TM4SF18: variants seen among roughly 807,000 people sequenced by gnomAD.
The protein encoded by TM4SF18 is transmembrane 4 L6 family member 18.
A neutral mutation model predicts 23.8 loss-of-function variants in TM4SF18; 22 were observed. The observed-to-expected ratio is 0.92, with a 90% CI of 0.66 to 1.32. The LOEUF is 1.32. Among genes scored for constraint, TM4SF18 ranks in the 40% most tolerant of loss-of-function variants. The pLI, the probability that TM4SF18 is intolerant of heterozygous loss-of-function variation, is 0.00. For synonymous variants in TM4SF18, 87 were observed against 87.9 expected, an observed-to-expected ratio of 0.99 and a Z score of 0.06; for missense variants, 255 against 240.3, an observed-to-expected ratio of 1.06 and a Z score of -0.41.
In TM4SF18 at chr3:149,319,676, T is replaced by C. The variant is rs1022084787; in HGVS notation, c.*1802A>G. 4.6e-5 allele frequency: 7 copies of C among 152,374 alleles called. 1 individual carries two copies. The East Asian group carries it at 1.3e-3, about 29-fold the overall frequency. 9.4% of individuals were successfully genotyped at this position (152,374 alleles called of 1,614,324 possible). On this transcript the variant is annotated 3_prime_UTR_variant, in exon 6 of 6. Transcript: ENST00000296059. The stretch of plus-strand genomic sequence containing the variant: ...TGTTCATTGTGGGCAAAGGCAGTTT[T>C]AGGAGCTTTTGGAGTAGAAGTTCAT...
At position 149,319,988 on chromosome 3, in the gene TM4SF18, T is replaced by C. The variant is rs1730769601; in HGVS notation, c.*1490A>G. ...CAGAGCATGAAGGTCATGCGGTGTA[T>C]AACATGGCTTGCTTTCAAGATGCTT... is the stretch of plus-strand genomic sequence containing the variant. On this transcript the variant is annotated 3_prime_UTR_variant, in exon 6 of 6. Transcript: ENST00000296059. 1 of 152,252 alleles carries C rather than the reference T, an allele frequency of 6.6e-6. No individual in the cohort carries two copies. The highest frequency in any genetic ancestry group is 2.4e-5 in the African/African-American group (1 of 41,462). The allele number at this position is 152,252 out of a possible 1,614,324, so 9.4% of individuals were successfully genotyped here.
At chr3:149,332,336 T>C (rs1731104132) in intron 2 of TM4SF18, among the ~76,000 whole-genome samples, 1 of 152,216 alleles carries the variant, frequency 6.6e-6, no homozygotes, top group South Asian at 2.1e-4. Flanking sequence ...TCTTCTACAT[T>C]ATTGGTGGTC....
rs758515671 is a variant in TM4SF18, at chr3:149,330,433, G to C, written c.178-14C>G. 1.3e-6 allele frequency: 2 copies of C among 1,523,984 alleles called. No homozygotes were observed. Among genetic ancestry groups the C allele is most frequent in the Non-Finnish European group, 1.8e-6 (2 of 1,109,402 alleles). The allele number at this position is 1,523,984 out of a possible 1,614,324, so 94.4% of individuals were successfully genotyped here. A position where few individuals can be genotyped will look rare whatever the true frequency, so the allele number is the denominator to read the frequency against. Reference sequence around the variant, plus strand: ...TACTATAAGCATCTATAGGAGGGAAGACATAAAATGTTAGCAATGAAATGC... The same window carrying C: ...TACTATAAGCATCTATAGGAGGGAACACATAAAATGTTAGCAATGAAATGC... On this transcript the variant is annotated splice_polypyrimidine_tract_variant and intron_variant, in intron 2 of 5. Coordinates refer to ENST00000296059, the MANE Select transcript of TM4SF18 (RefSeq NM_138786.4).
At chr3:149,321,845 T>C (rs914399794) in intron 5 of TM4SF18, among the ~76,000 whole-genome samples, 2 of 152,220 alleles carry the variant, frequency 1.3e-5, no homozygotes, top group African/African-American at 4.8e-5. Flanking sequence ...AAAGGTTCAT[T>C]AGTTGAATGT....
At chr3:149,327,556 A>G (rs1441907892) in intron 3 of TM4SF18, among the ~76,000 whole-genome samples, 1 of 152,154 alleles carries the variant, frequency 6.6e-6, no homozygotes, top group East Asian at 1.9e-4. Context: ...TGGGGGAAAA[A>G]TTAGCTTTAG....
rs774507581 is a variant in TM4SF18 at position 149,333,358 on chromosome 3, A to T, written c.25T>A (p.Cys9Ser). The part of the protein sequence containing the change: MGSRKCGG[C>S]LSCLLIPLAL... ...AGCGGAATCAGCAAACAACTTAGGC[A>T]GCCTCCACACTTCCGAGACCCCATT... Residue 9 changes from cysteine to serine, a missense_variant, in exon 2 of 6, where the codon TGC (cysteine) becomes AGC (serine). By Grantham distance (112) the Cys-to-Ser change is moderately radical. Coordinates refer to ENST00000296059, the MANE Select transcript of TM4SF18 (RefSeq NM_138786.4). 6.2e-7 allele frequency: 1 copy of T among 1,613,120 alleles called. No individual in the cohort carries two copies. Among genetic ancestry groups the T allele is most frequent in the Non-Finnish European group, 8.5e-7 (1 of 1,179,530 alleles).
At chr3:149,327,109 C>G (rs1730968180) in intron 3 of TM4SF18, among the ~76,000 whole-genome samples, 1 of 152,200 alleles carries the variant, frequency 6.6e-6, no homozygotes. Flanking sequence ...GCCGCCACGC[C>G]TAGCTCATTT....
chr3:149,324,763 G>T, intron 4 of TM4SF18, 117 bp downstream of exon 4: 1 of 1,300,032 alleles, frequency 7.7e-7, no homozygotes, highest in Non-Finnish European at 1.1e-6. Context: ...GGGAAATTCT[G>T]CACTAAAACA....
At chr3:149,331,918 T>C (rs1412988379) in intron 2 of TM4SF18, among the ~76,000 whole-genome samples, 1 of 152,238 alleles carries the variant, frequency 6.6e-6, no homozygotes, top group Non-Finnish European at 1.5e-5. Context: ...GAATGTACCA[T>C]AATTTATTTT....
rs34338382 is a variant in TM4SF18 at position 149,322,905 on chromosome 3, C to CTTTTTT, written c.411-475_411-470dup. On this transcript the variant is annotated intron_variant, in intron 4 of 5. Coordinates refer to ENST00000296059, the MANE Select transcript of TM4SF18 (RefSeq NM_138786.4). ...GAACTTTACCCCTCTGGCCTCCAGA[C>CTTTTTT]TTTTTTTTTTTTTTTTGAGACGGAG... 2.7e-3 allele frequency among the ~76,000 whole-genome samples: 342 copies of CTTTTTT among 128,776 alleles called. 5 individuals are homozygous for CTTTTTT. The highest frequency in any genetic ancestry group is 8.6e-3 in the African/African-American group (311 of 36,044). The allele number at this position is 128,776 out of a possible 152,430, so 84.5% of individuals were successfully genotyped here. A position where few individuals can be genotyped will look rare whatever the true frequency, so the allele number is the denominator to read the frequency against.
Position 149,330,411 on chromosome 3 carries a change from T to G in TM4SF18, c.186A>C (p.Ile62=). The part of the protein sequence containing the change: ...GICFSGIMML[I]VTTVLLVLEN... ...CCAGTACCAGAAGAACTGTTGTTAC[T>G]ATAAGCATCTATAGGAGGGAAGACA... Residue 62 remains isoleucine, a synonymous_variant, in exon 3 of 6, where the codon ATA becomes ATC. Coordinates refer to ENST00000296059, the MANE Select transcript of TM4SF18 (RefSeq NM_138786.4). 1.3e-6 allele frequency: 2 copies of G among 1,592,518 alleles called. No individual in the cohort carries two copies. Among genetic ancestry groups the G allele is most frequent in the Non-Finnish European group, 1.7e-6 (2 of 1,164,292 alleles).
rs543483374 is a variant in TM4SF18, at chr3:149,328,121, G to T, written c.267+2209C>A. On this transcript the variant is annotated intron_variant, in intron 3 of 5. Coordinates refer to ENST00000296059, the MANE Select transcript of TM4SF18 (RefSeq NM_138786.4). ...GAAAACCAGACTCCATGCAGGAATG[G>T]AGAGTGCCTTAGTTCCTGCTGCTAT... Among the ~76,000 whole-genome samples the T allele has an allele frequency of 3.9e-5, 6 of 152,296 alleles. 1 individual carries two copies. The South Asian group carries it at 1.2e-3, about 32-fold the overall frequency.
At chr3:149,322,478 G>A (rs764899166) in intron 4 of TM4SF18, 42 bp from the exon 5 acceptor site, 52 of 1,540,434 alleles carry the variant, frequency 3.4e-5, no homozygotes, top group Non-Finnish European at 4.5e-5. Context: ...TGGGTCCAAG[G>A]AAGAAAGCTA....
intron 3 of TM4SF18, 87 bp from the exon 4 acceptor site, chr3:149,325,109 A>T (rs1336658109): frequency 7.3e-7 from 1 of 1,369,324 alleles, no homozygotes; most frequent in Admixed American, 1.9e-5. Flanking sequence ...ACATTCCCCT[A>T]TTCACCCAAG....
chr3:149,330,118 T>C, intron 3 of TM4SF18: 1 of 369,598 alleles, frequency 2.7e-6, no homozygotes, highest in Non-Finnish European at 4.9e-6. Context: ...TTAGGTATCT[T>C]TAAATGCTGA....
At chr3:149,328,742 A>G (rs1312830836) in intron 3 of TM4SF18, among the ~76,000 whole-genome samples, 1 of 152,166 alleles carries the variant, frequency 6.6e-6, no homozygotes, top group Non-Finnish European at 1.5e-5. Context: ...GATGCCTACC[A>G]GGCTCATTTA....
chr3:149,321,447 G>A lies in TM4SF18; in HGVS notation c.*31C>T. The A allele has an allele frequency of 6.6e-7, 1 of 1,524,556 alleles. No individual in the cohort carries two copies. Among genetic ancestry groups the A allele is most frequent in the Non-Finnish European group, 9.0e-7 (1 of 1,116,278 alleles). The allele number at this position is 1,524,556 out of a possible 1,614,324, so 94.4% of individuals were successfully genotyped here. On this transcript the variant is annotated 3_prime_UTR_variant, in exon 6 of 6. Coordinates refer to ENST00000296059, the MANE Select transcript of TM4SF18 (RefSeq NM_138786.4). ...ATATAATATTTAGATAGATGGCCAT[G>A]TCTTGATAATGGAAAACATTTTGTC...
chr3:149,322,835 T>C (rs918449295), intron 4 of TM4SF18, among the ~76,000 whole-genome samples: 2 of 152,058 alleles, frequency 1.3e-5, no homozygotes, highest in Non-Finnish European at 2.9e-5. Context: ...GCACAGAATA[T>C]GAAATCAGAA....
At chr3:149,321,833 A>C (rs1219323529) in intron 5 of TM4SF18, among the ~76,000 whole-genome samples, 2 of 152,216 alleles carry the variant, frequency 1.3e-5, no homozygotes, top group Non-Finnish European at 2.9e-5. Flanking sequence ...TGCACTCGAG[A>C]TAAAGGTTCA....
Sources: gnomAD v4.1 joint callset for allele counts (sites outside exome capture counted in the v4.1 genomes callset) on GRCh38, gnomAD v4.1.1 for gene constraint, MANE v1.5 for transcripts, NCBI Gene and HGNC (gene_info 2026-07-23, HGNC 2026-07-21) for gene names.